Variants in FSTL4 observed in about 807,000 individuals in gnomAD.
The protein encoded by FSTL4 is follistatin like 4.
Under a neutral mutation model 78.2 loss-of-function variants are expected in FSTL4, and 28 were observed. The ratio of observed to expected loss-of-function variants is 0.36; its 90% confidence interval spans 0.27 to 0.49. FSTL4 has a LOEUF of 0.49. Ranked by LOEUF, FSTL4 falls within the 20% of genes least tolerant of loss-of-function variation. The probability of loss-of-function intolerance (pLI) is 0.98; values close to 1 mark genes in which losing one functional copy is unlikely to be tolerated. For missense variants in FSTL4, 922 were observed against 1,084.9 expected (o/e 0.85, Z 2.11); for synonymous variants, 422 against 440.5 (o/e 0.96, Z 0.53).
At chr5:133,699,599 T>C in the FSTL4 span, among the ~76,000 whole-genome samples, 1 of 152,132 alleles carries the variant, frequency 6.6e-6, no homozygotes, top group Non-Finnish European at 1.5e-5. Context: ...CCCAGTGCCA[T>C]GGCCGGGCGC....
the FSTL4 span, among the ~76,000 whole-genome samples, chr5:133,785,545 G>A: frequency 1.3e-5 from 2 of 152,242 alleles, no homozygotes; most frequent in Non-Finnish European, 2.9e-5. Flanking sequence ...TTGGAGTTTG[G>A]GGGCAAGCAC....
chr5:133,792,045 C>T, the FSTL4 span, among the ~76,000 whole-genome samples: 1 of 152,216 alleles, frequency 6.6e-6, no homozygotes, highest in African/African-American at 2.4e-5. Context: ...GGAGAGTCAG[C>T]TAATTTGGCC....
intron 3 of FSTL4, among the ~76,000 whole-genome samples, chr5:133,544,900 CCAGT>C (rs1759544495): frequency 6.6e-6 from 1 of 152,066 alleles, no homozygotes; most frequent in South Asian, 2.1e-4. Flanking sequence ...AAATTCTGGC[CCAGT>C]CAAAGTATAG....
intron 3 of FSTL4, among the ~76,000 whole-genome samples, chr5:133,488,529 C>T (rs754352600): frequency 6.6e-5 from 10 of 152,216 alleles, no homozygotes; most frequent in Admixed American, 1.3e-4. Flanking sequence ...GCTGAGATTA[C>T]AGGCGTGAGC....
intron 3 of FSTL4, among the ~76,000 whole-genome samples, chr5:133,558,039 C>T (rs2036006): frequency 0.36 from 54,006 of 152,002 alleles, 9,728 homozygotes; most frequent in South Asian, 0.39. Flanking sequence ...CTCTATGTTG[C>T]GGACCCAACT....
At chr5:133,526,664 G>A (rs1384500728) in intron 3 of FSTL4, among the ~76,000 whole-genome samples, 1 of 152,180 alleles carries the variant, frequency 6.6e-6, no homozygotes, top group Non-Finnish European at 1.5e-5. Context: ...GACGAGTTGT[G>A]AAGTGGCGCT....
At chr5:133,754,158 C>T in the FSTL4 span, among the ~76,000 whole-genome samples, 1 of 152,158 alleles carries the variant, frequency 6.6e-6, no homozygotes, top group African/African-American at 2.4e-5. Flanking sequence ...ATTCAATCAT[C>T]CAACTCTAGA....
chr5:133,688,854 A>T, the FSTL4 span, among the ~76,000 whole-genome samples: 7 of 152,108 alleles, frequency 4.6e-5, no homozygotes, highest in African/African-American at 1.7e-4. Context: ...GGGGCCAGGG[A>T]TGTCATCTGC....
intron 7 of FSTL4, chr5:133,243,865 T>TAAAGGACAGAGG (rs1002551666): frequency 1.3e-5 from 2 of 152,210 alleles, no homozygotes; most frequent in African/African-American, 4.8e-5. Context: ...CTCAGGATCA[T>TAAAGGACAGAGG]AAAGGACAGT....
chr5:133,455,340 G>A (rs1269914089), intron 3 of FSTL4, among the ~76,000 whole-genome samples: 1 of 152,170 alleles, frequency 6.6e-6, no homozygotes, highest in African/African-American at 2.4e-5. Flanking sequence ...TATTTCCCAA[G>A]AAAATAATAG....
chr5:133,282,159 G>A (rs1344575660), intron 6 of FSTL4, among the ~76,000 whole-genome samples: 3 of 152,116 alleles, frequency 2.0e-5, no homozygotes, highest in Non-Finnish European at 2.9e-5. Flanking sequence ...TCTGAGCAGG[G>A]GACACTTGAA....
intron 2 of FSTL4, among the ~76,000 whole-genome samples, chr5:133,567,915 G>A (rs2112944783): frequency 6.6e-6 from 1 of 152,286 alleles, no homozygotes; most frequent in South Asian, 2.1e-4. Context: ...GGGGGCCACA[G>A]AACAAACACA....
At chr5:133,261,376 AAAAAT>A (rs1752515753) in intron 6 of FSTL4, among the ~76,000 whole-genome samples, 1 of 152,194 alleles carries the variant, frequency 6.6e-6, no homozygotes, top group Admixed American at 6.5e-5. Context: ...ACTATAAACT[AAAAAT>A]AAAATCCTAA....
chr5:133,447,027 A>AGG (rs1330109534), intron 3 of FSTL4, among the ~76,000 whole-genome samples: 1 of 152,218 alleles, frequency 6.6e-6, no homozygotes, highest in Non-Finnish European at 1.5e-5. Context: ...TTCAGGACCC[A>AGG]GGAGACTGTT....
the FSTL4 span, among the ~76,000 whole-genome samples, chr5:133,719,395 C>T: frequency 6.6e-6 from 1 of 151,978 alleles, no homozygotes; most frequent in African/African-American, 2.4e-5. Context: ...TGAGGCCAGG[C>T]GCGATGGCTC....
intron 6 of FSTL4, among the ~76,000 whole-genome samples, chr5:133,295,707 TC>T (rs1462160170): frequency 2.0e-5 from 3 of 152,216 alleles, no homozygotes; most frequent in Admixed American, 6.5e-5. Context: ...AACTGAGCTT[TC>T]AGCACTTGGG....
chr5:133,596,285 G>A (rs932046942), intron 2 of FSTL4, among the ~76,000 whole-genome samples: 12 of 152,210 alleles, frequency 7.9e-5, no homozygotes, highest in African/African-American at 1.9e-4. Context: ...GGGCTGAAGC[G>A]TGGGTTGTGC....
At chr5:133,614,078 T>C (rs1188783801), upstream of FSTL4, among the ~76,000 whole-genome samples, 1 of 152,142 alleles carries the variant, frequency 6.6e-6, no homozygotes, top group African/African-American at 2.4e-5. Context: ...CCCTCTGAAA[T>C]GTAATTCTAA....
At chr5:133,652,624 C>T in the FSTL4 span, among the ~76,000 whole-genome samples, 2 of 152,136 alleles carry the variant, frequency 1.3e-5, no homozygotes, top group African/African-American at 4.8e-5. Flanking sequence ...TGAGAGCAGA[C>T]ATTGTATGAT....
Sources: gnomAD v4.1 joint callset for allele counts (sites outside exome capture counted in the v4.1 genomes callset) on GRCh38, gnomAD v4.1.1 for gene constraint, MANE v1.5 for transcripts, NCBI Gene and HGNC (gene_info 2026-07-23, HGNC 2026-07-21) for gene names.